The following ARID2 variants were observed in gnomAD, a reference collection of about 807,000 sequenced individuals.
ARID2 encodes AT-rich interaction domain 2.
A neutral mutation model predicts 184.6 loss-of-function variants in ARID2; 32 were observed. That is an observed-to-expected ratio of 0.17 (90% CI 0.13 to 0.23). The LOEUF is 0.23. ARID2 is among the 10% of genes least tolerant of loss of function. ARID2 has a pLI of 1.00. For synonymous variants in ARID2, 836 were observed against 772.6 expected (o/e 1.08, Z -1.36); for missense variants, 1,696 against 2,197.6 (o/e 0.77, Z 4.56).
At chr12:45,797,392 G>A (rs895200876) in intron 3 of ARID2, among the ~76,000 whole-genome samples, 1 of 152,020 alleles carries the variant, frequency 6.6e-6, no homozygotes, top group African/African-American at 2.4e-5. Flanking sequence ...GCACCACCAT[G>A]CCCAGCTAAT....
At chr12:45,739,125 T>G (rs1565577822) in intron 3 of ARID2, among the ~76,000 whole-genome samples, 1 of 151,978 alleles carries the variant, frequency 6.6e-6, no homozygotes, top group Non-Finnish European at 1.5e-5. Flanking sequence ...CCCGCCACCA[T>G]GCCCAGCTAA....
intron 3 of ARID2, among the ~76,000 whole-genome samples, chr12:45,799,145 G>T (rs1004310661): frequency 6.6e-6 from 1 of 152,032 alleles, no homozygotes; most frequent in African/African-American, 2.4e-5. Flanking sequence ...CCATGAGACT[G>T]TTAGCCTCAT....
At chr12:45,747,769 A>AT (rs1941386805) in intron 3 of ARID2, among the ~76,000 whole-genome samples, 1 of 152,190 alleles carries the variant, frequency 6.6e-6, no homozygotes, top group Admixed American at 6.5e-5. Context: ...ATTGTGGTAA[A>AT]TGTGTCATTT....
chr12:45,816,729 T>G (rs1942810897), intron 4 of ARID2, among the ~76,000 whole-genome samples: 1 of 152,228 alleles, frequency 6.6e-6, no homozygotes, highest in Non-Finnish European at 1.5e-5. Context: ...TATGGACTAC[T>G]GATGCACTTA....
chr12:45,839,108 C>CCCGCCT (rs1943281885), intron 10 of ARID2, among the ~76,000 whole-genome samples: 1 of 151,880 alleles, frequency 6.6e-6, no homozygotes, highest in East Asian at 1.9e-4. Context: ...TCATGATCCG[C>CCCGCCT]CCGCCTCCGC....
chr12:45,730,290 C>T (rs1940955954), intron 2 of ARID2, among the ~76,000 whole-genome samples, 153 bp downstream of exon 2: 1 of 150,210 alleles, frequency 6.7e-6, no homozygotes, highest in South Asian at 2.1e-4. Flanking sequence ...AGGCGGACGG[C>T]GGCGGGGCTG....
chr12:45,860,714 AAC>A, intron 15 of ARID2, 85 bp from the exon 16 acceptor site: 2 of 1,164,274 alleles, frequency 1.7e-6, no homozygotes, highest in Non-Finnish European at 2.2e-6. Context: ...AATGTATAAC[AAC>A]ATAATCAAAT....
intron 3 of ARID2, among the ~76,000 whole-genome samples, chr12:45,778,364 C>T (rs1198266985): frequency 6.6e-6 from 1 of 152,034 alleles, no homozygotes; most frequent in Non-Finnish European, 1.5e-5. Context: ...GGTATCTAAC[C>T]TCATCATAAC....
At chr12:45,821,894 T>A (rs1942903912) in intron 6 of ARID2, among the ~76,000 whole-genome samples, 1 of 152,198 alleles carries the variant, frequency 6.6e-6, no homozygotes, top group African/African-American at 2.4e-5. Flanking sequence ...AGTGTCCATC[T>A]AGAGGAAAAT....
intron 20 of ARID2, chr12:45,904,405 T>C: frequency 1.4e-6 from 1 of 709,992 alleles, no homozygotes. Context: ...AAAGGTACTA[T>C]GGAGAGGCTG....
chr12:45,835,154 CT>C (rs1943195055), intron 6 of ARID2, among the ~76,000 whole-genome samples: 1 of 152,138 alleles, frequency 6.6e-6, no homozygotes, highest in Admixed American at 6.5e-5. Flanking sequence ...AACATATCCA[CT>C]GAATTCTTAA....
intron 3 of ARID2, among the ~76,000 whole-genome samples, chr12:45,783,856 A>G (rs1420692937): frequency 1.4e-5 from 2 of 146,408 alleles, no homozygotes; most frequent in Admixed American, 1.4e-4. Flanking sequence ...TAGCAACACT[A>G]AACAAAGACG....
Position 45,851,790 on chromosome 12 carries a change from TCTC to T in ARID2, c.3670_3672del (p.Pro1224del), listed in dbSNP as rs1565623935. ...ACAAACGCTTCCAGCCACTCAAGCA[TCTC>T]CTGCTGGACAATCATCATGTACTAC... On this transcript the variant is annotated inframe_deletion, in exon 15 of 21. Transcript: ENST00000334344. The T allele has an allele frequency of 6.2e-7, 1 of 1,614,022 alleles. No homozygotes were observed. The highest frequency in any genetic ancestry group is 8.5e-7 in the Non-Finnish European group (1 of 1,179,992).
At chr12:45,841,720 G>A (rs1943344869) in intron 11 of ARID2, 1 of 151,972 alleles carries the variant, frequency 6.6e-6, no homozygotes, top group Admixed American at 6.6e-5. Flanking sequence ...TGTATGCAGT[G>A]GAATCTTGAT....
chr12:45,851,220 C>T lies in ARID2; in HGVS notation c.3097C>T (p.Pro1033Ser), dbSNP rs1488244293. The change falls in exon 15 of 21, where the codon CCC becomes TCC. Residue 1033 changes from proline to serine, a missense_variant. By Grantham distance (74) the Pro-to-Ser change is moderately conservative (BLOSUM62 -1). Transcript: ENST00000334344. ...GCAGGTACAAGTACAAGTTCAGCAG[C>T]CCCAACAAGTACAGATGCAAGTTCA... ...PQQVQVQVQQ[P>S]QQVQMQVQPQ... The T allele has an allele frequency of 6.2e-7, 1 of 1,614,154 alleles. No individual in the cohort carries two copies. The highest frequency in any genetic ancestry group is 8.5e-7 in the Non-Finnish European group (1 of 1,180,014).
intron 16 of ARID2, among the ~76,000 whole-genome samples, chr12:45,875,555 T>C (rs912756491): frequency 5.3e-5 from 8 of 152,218 alleles, no homozygotes; most frequent in African/African-American, 1.9e-4. Flanking sequence ...GCTATGAAAG[T>C]CCTAGACCTA....
At chr12:45,750,263 T>C (rs1249473998) in intron 3 of ARID2, among the ~76,000 whole-genome samples, 1 of 152,130 alleles carries the variant, frequency 6.6e-6, no homozygotes, top group Non-Finnish European at 1.5e-5. Flanking sequence ...GACCAGTCAG[T>C]GGAGTAGTCA....
rs1447255718 is a variant in ARID2, at chr12:45,907,325, A to G, written c.*2247A>G. 1 of 233,116 alleles carries G rather than the reference A, an allele frequency of 4.3e-6. No homozygotes were observed. The highest frequency in any genetic ancestry group is 2.2e-5 in the African/African-American group (1 of 45,338). 14.4% of individuals were successfully genotyped at this position (233,116 alleles called of 1,614,324 possible). ...TTATTTGAAAGATAATGTCTTCTCA[A>G]AATCAGAAACTGCAGTGGTAATTAA... On this transcript the variant is annotated 3_prime_UTR_variant, in exon 21 of 21. Transcript: ENST00000334344.
intron 3 of ARID2, among the ~76,000 whole-genome samples, chr12:45,746,337 C>G (rs1288012553): frequency 1.3e-5 from 2 of 152,056 alleles, no homozygotes; most frequent in African/African-American, 2.4e-5. Context: ...TTTCCAACTC[C>G]TGGCCTCAAG....
Sources: gnomAD v4.1 joint callset for allele counts (sites outside exome capture counted in the v4.1 genomes callset) on GRCh38, gnomAD v4.1.1 for gene constraint, MANE v1.5 for transcripts, NCBI Gene and HGNC (gene_info 2026-07-23, HGNC 2026-07-21) for gene names.